Variants in LDLRAD4 observed in about 807,000 individuals in gnomAD.
LDLRAD4 encodes the protein low density lipoprotein receptor class A domain containing 4.
LDLRAD4 carries 5 observed loss-of-function variants against 17.0 expected under a neutral mutation model. That is an observed-to-expected ratio of 0.29 (90% CI 0.15 to 0.62). The LOEUF (loss-of-function observed/expected upper bound fraction) is 0.62. LDLRAD4 is among the 20% of genes least tolerant of loss of function. The pLI, the probability that LDLRAD4 is intolerant of heterozygous loss-of-function variation, is 0.84. For synonymous variants in LDLRAD4, 168 were observed against 171.8 expected (o/e 0.98, Z 0.17); for missense variants, 340 against 424.7 (o/e 0.80, Z 1.75).
chr18:13,248,958 A>C (rs1406808304), intron 1 of LDLRAD4, among the ~76,000 whole-genome samples: 1 of 152,116 alleles, frequency 6.6e-6, no homozygotes. Flanking sequence ...TACTTCTATG[A>C]GGTCAACTTT....
At chr18:13,242,997 C>T (rs764881456) in intron 1 of LDLRAD4, among the ~76,000 whole-genome samples, 3 of 152,244 alleles carry the variant, frequency 2.0e-5, no homozygotes, top group African/African-American at 2.4e-5. Flanking sequence ...CTGCGCCTGG[C>T]GCCTGCTCTG....
At chr18:13,576,857 C>G (rs1238373786) in intron 3 of LDLRAD4, among the ~76,000 whole-genome samples, 1 of 152,192 alleles carries the variant, frequency 6.6e-6, no homozygotes, top group Non-Finnish European at 1.5e-5. Context: ...CCTGGGGTGC[C>G]CATGAGCTCC....
intron 3 of LDLRAD4, among the ~76,000 whole-genome samples, chr18:13,588,093 A>T (rs2094958589): frequency 6.6e-6 from 1 of 152,162 alleles, no homozygotes; most frequent in Non-Finnish European, 1.5e-5. Context: ...GGAAAAAAAA[A>T]CCATTCTCAG....
chr18:13,480,553 A>T (rs2093057712), intron 3 of LDLRAD4, among the ~76,000 whole-genome samples: 1 of 152,202 alleles, frequency 6.6e-6, no homozygotes, highest in Admixed American at 6.5e-5. Context: ...CGAAGGCCAC[A>T]GACTCTGGGT....
chr18:13,290,019 A>T (rs751235410), intron 1 of LDLRAD4, among the ~76,000 whole-genome samples: 6 of 152,184 alleles, frequency 3.9e-5, no homozygotes, highest in Non-Finnish European at 8.8e-5. Context: ...CTGTGTGGGC[A>T]GACGTGGTGG....
rs137966061 is a variant in LDLRAD4 at position 13,487,394 on chromosome 18, G to T, written c.181+49010G>T. Reference sequence around the variant, plus strand: ...GCATCTGTCCCGGCAGGGCCATGTGGCCAGACCAGGAAGGGCTGCTCAAAG... The same window carrying T: ...GCATCTGTCCCGGCAGGGCCATGTGTCCAGACCAGGAAGGGCTGCTCAAAG... On this transcript the variant is annotated intron_variant, in intron 3 of 5. Transcript: ENST00000359446. 2.6e-5 allele frequency: 4 copies of T among 152,258 alleles called. No individual in the cohort carries two copies. In the South Asian group the frequency reaches 8.3e-4, roughly 31 times the overall value. The allele number at this position is 152,258 out of a possible 1,614,324, so 9.4% of individuals were successfully genotyped here.
intron 1 of LDLRAD4, among the ~76,000 whole-genome samples, chr18:13,383,406 G>C (rs987366155): frequency 6.6e-6 from 1 of 152,158 alleles, no homozygotes; most frequent in Non-Finnish European, 1.5e-5. Context: ...AGCCGACCAG[G>C]TGCTGCGGGT....
At chr18:13,395,011 T>A (rs1460370710) in intron 2 of LDLRAD4, among the ~76,000 whole-genome samples, 1 of 152,200 alleles carries the variant, frequency 6.6e-6, no homozygotes, top group Admixed American at 6.5e-5. Flanking sequence ...TCCTGTGCTC[T>A]CTGTTGGCAG....
At chr18:13,273,466 A>G (rs1400764143), upstream of LDLRAD4, among the ~76,000 whole-genome samples, 2 of 152,068 alleles carry the variant, frequency 1.3e-5, no homozygotes, top group African/African-American at 4.8e-5. Context: ...ACATCCGGCT[A>G]ATATTTTCTT....
At chr18:13,624,405 C>T (rs1487448207) in intron 4 of LDLRAD4, among the ~76,000 whole-genome samples, 2 of 152,246 alleles carry the variant, frequency 1.3e-5, no homozygotes, top group African/African-American at 4.8e-5. Context: ...GGACACTCCG[C>T]AGGAGCCAGG....
At chr18:13,465,446 A>G (rs1411586421) in intron 3 of LDLRAD4, among the ~76,000 whole-genome samples, 1 of 152,236 alleles carries the variant, frequency 6.6e-6, no homozygotes, top group African/African-American at 2.4e-5. Context: ...ACAAATGCCC[A>G]TCCTGATGAT....
intron 3 of LDLRAD4, among the ~76,000 whole-genome samples, chr18:13,537,208 T>TTTTAAATACA (rs1275021492): frequency 6.6e-6 from 1 of 152,202 alleles, no homozygotes; most frequent in African/African-American, 2.4e-5. Flanking sequence ...ATTATTTCCT[T>TTTTAAATACA]TTTAAATACA....
intron 3 of LDLRAD4, among the ~76,000 whole-genome samples, chr18:13,511,549 A>G (rs1239786397): frequency 6.6e-6 from 1 of 152,226 alleles, no homozygotes; most frequent in African/African-American, 2.4e-5. Flanking sequence ...TCAGTGTACT[A>G]TTAATAGAAA....
At chr18:13,258,833 G>T (rs1458148415) in intron 1 of LDLRAD4, among the ~76,000 whole-genome samples, 1 of 152,156 alleles carries the variant, frequency 6.6e-6, no homozygotes, top group Non-Finnish European at 1.5e-5. Flanking sequence ...TGGGGCAGGG[G>T]AAGGATTACA....
At chr18:13,546,267 C>T (rs190733085) in intron 3 of LDLRAD4, among the ~76,000 whole-genome samples, 7 of 152,136 alleles carry the variant, frequency 4.6e-5, no homozygotes, top group Admixed American at 2.0e-4. Context: ...GCAGCTCTGC[C>T]GGGGAACCAG....
intron 3 of LDLRAD4, among the ~76,000 whole-genome samples, chr18:13,506,187 C>T (rs2093689656): frequency 6.6e-6 from 1 of 151,722 alleles, no homozygotes; most frequent in South Asian, 2.1e-4. Context: ...TCACTGCAGC[C>T]TGGCCACCAA....
At chr18:13,337,957 T>G (rs1216849833) in intron 1 of LDLRAD4, among the ~76,000 whole-genome samples, 1 of 152,096 alleles carries the variant, frequency 6.6e-6, no homozygotes, top group African/African-American at 2.4e-5. Context: ...CAAAGCAACT[T>G]TAGTCTTACT....
intron 1 of LDLRAD4, among the ~76,000 whole-genome samples, chr18:13,343,799 A>G (rs1352420187): frequency 6.6e-6 from 1 of 152,034 alleles, no homozygotes; most frequent in Non-Finnish European, 1.5e-5. Context: ...ATGGTATCTC[A>G]TTGTGGTTTT....
chr18:13,548,420 C>G (rs1283238055), intron 3 of LDLRAD4, among the ~76,000 whole-genome samples: 1 of 152,192 alleles, frequency 6.6e-6, no homozygotes, highest in Non-Finnish European at 1.5e-5. Flanking sequence ...ACTTTCAGCA[C>G]CCCCTTGGCC....
Sources: gnomAD v4.1 joint callset for allele counts (sites outside exome capture counted in the v4.1 genomes callset) on GRCh38, gnomAD v4.1.1 for gene constraint, MANE v1.5 for transcripts, NCBI Gene and HGNC (gene_info 2026-07-23, HGNC 2026-07-21) for gene names.